The following ZNF567 variants were observed in gnomAD, a reference collection of about 807,000 sequenced individuals.
ZNF567 encodes zinc finger protein 567.
A neutral mutation model predicts 53.9 loss-of-function variants in ZNF567; 36 were observed. The observed-to-expected ratio is 0.67, with a 90% confidence interval of 0.51 to 0.88. The LOEUF is 0.88. ZNF567 is among the 40% of genes least tolerant of loss of function. The pLI is 0.00. For synonymous variants in ZNF567, 224 were observed against 260.4 expected, an observed-to-expected ratio of 0.86 and a Z score of 1.35; for missense variants, 619 against 764.7, an observed-to-expected ratio of 0.81 and a Z score of 2.25.
At chr19:36,702,739 C>T (rs796806819) in intron 3 of ZNF567, among the ~76,000 whole-genome samples, 1 of 152,234 alleles carries the variant, frequency 6.6e-6, no homozygotes, top group Non-Finnish European at 1.5e-5. Flanking sequence ...CTTCTGCATT[C>T]TTCATGTAGT....
At chr19:36,678,763 G>C in the ZNF567 span, among the ~76,000 whole-genome samples, 3 of 151,704 alleles carry the variant, frequency 2.0e-5, no homozygotes, top group Non-Finnish European at 4.4e-5. Context: ...AGAATGGTGT[G>C]AACCTGGGAG....
At chr19:36,713,438 C>CAAGAG (rs1422518833) in intron 5 of ZNF567, among the ~76,000 whole-genome samples, 1 of 145,394 alleles carries the variant, frequency 6.9e-6, no homozygotes, top group African/African-American at 2.6e-5. Context: ...GGAGACAGAG[C>CAAGAG]AAGAGCCTGT....
At chr19:36,706,258 A>G (rs1223349118) in intron 3 of ZNF567, among the ~76,000 whole-genome samples, 1 of 152,202 alleles carries the variant, frequency 6.6e-6, no homozygotes, top group Non-Finnish European at 1.5e-5. Flanking sequence ...TAAAGGCCCT[A>G]CTTCGTAATA....
intron 3 of ZNF567, among the ~76,000 whole-genome samples, chr19:36,696,312 A>G (rs748395906): frequency 6.6e-6 from 1 of 152,052 alleles, no homozygotes; most frequent in Non-Finnish European, 1.5e-5. Context: ...GTTCTCTTCT[A>G]TTTACACTCT....
intron 2 of ZNF567, among the ~76,000 whole-genome samples, chr19:36,693,453 G>A (rs960722393): frequency 1.3e-5 from 2 of 152,062 alleles, no homozygotes; most frequent in African/African-American, 2.4e-5. Flanking sequence ...GTGAGACCCT[G>A]TCTCAAAAAT....
At chr19:36,718,835 TG>T in intron 5 of ZNF567, 112 bp from the exon 6 acceptor site, 1 of 786,634 alleles carries the variant, frequency 1.3e-6, no homozygotes, top group Non-Finnish European at 1.9e-6. Flanking sequence ...GCCAGGCCAG[TG>T]GTCATTTGTT....
At chr19:36,686,390 C>T (rs970732647), upstream of ZNF567, 1 of 152,124 alleles carries the variant, frequency 6.6e-6, no homozygotes, top group African/African-American at 2.4e-5. Context: ...AAATTATTGC[C>T]ACCACACGAG....
Position 36,719,506 on chromosome 19 carries a change from C to T in ZNF567, c.782C>T (p.Ser261Phe), listed in dbSNP as rs1568717618. 6.2e-7 allele frequency: 1 copy of T among 1,613,162 alleles called. No individual in the cohort carries two copies. Residue 261 changes from serine to phenylalanine, a missense_variant, in exon 6 of 6, where the codon TCT becomes TTT. Transcript: ENST00000682579. Reference sequence around the variant, plus strand: ...CATACATGCAATGAATGTGGGAAATCTTTCTGCAGGAAATCAGTATTGATT... The same window carrying T: ...CATACATGCAATGAATGTGGGAAATTTTTCTGCAGGAAATCAGTATTGATT... ...KKHTCNECGK[S>F]FCRKSVLILH...
the ZNF567 span, among the ~76,000 whole-genome samples, chr19:36,667,375 G>C: frequency 5.9e-5 from 9 of 151,912 alleles, no homozygotes; most frequent in South Asian, 1.7e-3. Context: ...GATGGCGCAT[G>C]CCTGTAATCC....
At chr19:36,673,697 G>GACAC in the ZNF567 span, among the ~76,000 whole-genome samples, 7 of 149,200 alleles carry the variant, frequency 4.7e-5, no homozygotes, top group Non-Finnish European at 7.5e-5. Context: ...CACAGACACA[G>GACAC]ACACACACAC....
At chr19:36,726,529 A>G (rs2040335535), downstream of ZNF567, among the ~76,000 whole-genome samples, 1 of 152,116 alleles carries the variant, frequency 6.6e-6, no homozygotes, top group African/African-American at 2.4e-5. Flanking sequence ...GGTGTGACTG[A>G]GGAGTTCTGG....
In ZNF567 at chr19:36,712,452, G is replaced by C; in HGVS notation, c.76G>C (p.Ala26Pro). ...GGAGGAGTGGCAGCACCTGGATCATGCTCAGAAGACTCTATATATGGATGT... is the reference window on the plus strand; with the variant it reads ...GGAGGAGTGGCAGCACCTGGATCATCCTCAGAAGACTCTATATATGGATGT... ...TQEEWQHLDHAQKTLYMDVML... is the reference protein window; with the variant it reads ...TQEEWQHLDHPQKTLYMDVML... Residue 26 changes from alanine (A) to proline (P), a missense_variant, in exon 4 of 6, where the codon GCT becomes CCT. Coordinates refer to ENST00000682579, the MANE Select transcript of ZNF567 (RefSeq NM_001322917.1). The C allele has an allele frequency of 6.2e-7, 1 of 1,614,066 alleles. No homozygotes were observed. The highest frequency in any genetic ancestry group is 1.1e-5 in the South Asian group (1 of 91,076).
chr19:36,682,735 G>A (rs2038206341), upstream of ZNF567, among the ~76,000 whole-genome samples: 1 of 151,576 alleles, frequency 6.6e-6, no homozygotes, highest in Admixed American at 6.6e-5. Context: ...AGCCTCCCGA[G>A]TAGCTGGGAC....
At chr19:36,714,438 A>C (rs1023132151) in intron 5 of ZNF567, 2 of 398,226 alleles carry the variant, frequency 5.0e-6, no homozygotes, top group African/African-American at 4.1e-5. Context: ...CTGGGATTAC[A>C]GGCTTGAGCC....
At chr19:36,701,470 G>A (rs1457347060) in intron 3 of ZNF567, among the ~76,000 whole-genome samples, 2 of 151,210 alleles carry the variant, frequency 1.3e-5, no homozygotes, top group Non-Finnish European at 2.9e-5. Context: ...TCAATTCCTG[G>A]GTATCCTTGT....
At chr19:36,704,672 A>C (rs1350021563) in intron 3 of ZNF567, among the ~76,000 whole-genome samples, 1 of 152,140 alleles carries the variant, frequency 6.6e-6, no homozygotes, top group Non-Finnish European at 1.5e-5. Flanking sequence ...TAATGGATCT[A>C]ATGTATAGTT....
rs2039518018 is a variant in ZNF567 at position 36,706,766 on chromosome 19, C to T, written c.10-5620C>T. On this transcript the variant is annotated intron_variant, in intron 3 of 5. Coordinates refer to ENST00000682579, the MANE Select transcript of ZNF567 (RefSeq NM_001322917.1). ...AACCTCCCAGGATCCAGCAATCCTC[C>T]CACCGTAGCCACCTGAGTAGCTAGG... 2.0e-5 allele frequency among the ~76,000 whole-genome samples: 3 copies of T among 150,530 alleles called. No homozygotes were observed. In the South Asian group the frequency reaches 6.3e-4, roughly 32 times the overall value.
rs568544657 is a variant in ZNF567 at position 36,720,857 on chromosome 19, A to C, written c.*189A>C. ...AGTATGATCATTATTATTGAACTCT[A>C]TCAGCTATGAAGCTAAATTTTAAAG... On this transcript the variant is annotated 3_prime_UTR_variant, in exon 6 of 6. Coordinates refer to ENST00000682579, the MANE Select transcript of ZNF567 (RefSeq NM_001322917.1). 4 of 451,676 alleles carry C rather than the reference A, an allele frequency of 8.9e-6. No homozygotes were observed. The highest frequency in any genetic ancestry group is 1.4e-5 in the Non-Finnish European group (4 of 275,984). 28.0% of individuals were successfully genotyped at this position (451,676 alleles called of 1,614,324 possible). A position where few individuals can be genotyped will look rare whatever the true frequency, so the allele number is the denominator to read the frequency against.
At chr19:36,683,139 A>G (rs551123403), upstream of ZNF567, among the ~76,000 whole-genome samples, 1 of 151,608 alleles carries the variant, frequency 6.6e-6, no homozygotes, top group African/African-American at 2.4e-5. Context: ...TGGCACAATC[A>G]CGGCTCACTA....
Sources: allele counts gnomAD v4.1 joint callset (sites outside exome capture counted in the v4.1 genomes callset), GRCh38; gene constraint gnomAD v4.1.1; transcripts MANE v1.5; gene names NCBI Gene and HGNC (gene_info 2026-07-23, HGNC 2026-07-21).